The following SLC28A2 variants were observed in gnomAD, a reference collection of about 807,000 sequenced individuals.
SLC28A2 encodes solute carrier family 28 member 2.
A neutral mutation model predicts 72.9 loss-of-function variants in SLC28A2; 69 were observed. The ratio of observed to expected loss-of-function variants is 0.95; its 90% CI spans 0.78 to 1.16. SLC28A2 has a LOEUF of 1.16. Among genes scored for constraint, SLC28A2 ranks in the 50% most tolerant of loss-of-function variants. The pLI is 0.00. For missense variants in SLC28A2, 745 were observed against 791.1 expected, an observed-to-expected ratio of 0.94 and a Z score of 0.70; for synonymous variants, 296 against 294.1, an observed-to-expected ratio of 1.01 and a Z score of -0.07.
chr15:45,269,566 G>A (rs767633114), intron 14 of SLC28A2, 31 bp downstream of exon 14: 58 of 1,577,574 alleles, frequency 3.7e-5, no homozygotes, highest in South Asian at 1.0e-4. Flanking sequence ...CATAAACACC[G>A]TGAGGTCTCA....
chr15:45,254,099 T>C (rs79199947), intron 3 of SLC28A2, among the ~76,000 whole-genome samples: 3,737 of 152,276 alleles, frequency 0.025, 170 homozygotes, highest in African/African-American at 0.084. Context: ...TGAATTTGTT[T>C]GTGGATCTGG....
intron 15 of SLC28A2, 76 bp downstream of exon 15, chr15:45,270,352 T>A: frequency 1.0e-6 from 1 of 978,650 alleles, no homozygotes; most frequent in Non-Finnish European, 1.7e-6. Flanking sequence ...TCCTGGTGCT[T>A]CAGTACAAGC....
In SLC28A2 at chr15:45,253,488, G is replaced by A. The variant is rs923927491; in HGVS notation, c.138G>A (p.Leu46=). The change falls in exon 3 of 18, where the codon CTG becomes CTA. Residue 46 remains leucine, a synonymous_variant. Transcript: ENST00000347644. ...SKRTDAQGHS[L]GDGLGPSTYQ... is the part of the protein sequence containing the mutation. The stretch of plus-strand genomic sequence containing the variant: ...GGACTGACGCACAAGGACACAGCCT[G>A]GGGGATGGACTGGGCCCTTCCACTT... The A allele has an allele frequency of 6.2e-7, 1 of 1,613,570 alleles. No homozygotes were observed. The highest frequency in any genetic ancestry group is 1.1e-5 in the South Asian group (1 of 91,044).
chr15:45,268,359 T>C lies in SLC28A2; in HGVS notation c.1349T>C (p.Ile450Thr). 6.3e-7 allele frequency: 1 copy of C among 1,596,022 alleles called. No homozygotes were observed. The highest frequency in any genetic ancestry group is 8.6e-7 in the Non-Finnish European group (1 of 1,165,404). Residue 450 changes from isoleucine to threonine, a missense_variant, in exon 13 of 18, where the codon ATA becomes ACA. Ile to Thr is a moderately conservative substitution (Grantham distance 89). Transcript: ENST00000347644. Reference sequence around the variant, plus strand: ...TCCTGGCTGGGGGAATTGGTGGACATACAGGGGCTCACTTTCCAGGTAAAG... The same window carrying C: ...TCCTGGCTGGGGGAATTGGTGGACACACAGGGGCTCACTTTCCAGGTAAAG... ...ALSWLGELVD[I>T]QGLTFQVICS...
intron 3 of SLC28A2, among the ~76,000 whole-genome samples, chr15:45,254,141 A>G (rs1393934391): frequency 6.6e-6 from 1 of 152,184 alleles, no homozygotes; most frequent in Non-Finnish European, 1.5e-5. Context: ...AAATTGTTTG[A>G]GTAAAATAGA....
chr15:45,272,168 T>C, intron 15 of SLC28A2, 127 bp from the exon 16 acceptor site: 1 of 683,680 alleles, frequency 1.5e-6, no homozygotes, highest in Non-Finnish European at 2.5e-6. Context: ...CTCAGGTGGA[T>C]GGTAATAAGG....
chr15:45,263,346 G>C, intron 5 of SLC28A2, 102 bp downstream of exon 5: 2 of 1,151,292 alleles, frequency 1.7e-6, no homozygotes, highest in Non-Finnish European at 2.4e-6. Context: ...CTGCACATAG[G>C]CTTTTCAGAA....
At chr15:45,257,661 G>C (rs1900015685) in intron 3 of SLC28A2, among the ~76,000 whole-genome samples, 1 of 152,030 alleles carries the variant, frequency 6.6e-6, no homozygotes, top group African/African-American at 2.4e-5. Context: ...CTGATGATCT[G>C]GGGTGCTTTG....
chr15:45,255,606 T>C (rs1259238350), intron 3 of SLC28A2, among the ~76,000 whole-genome samples: 2 of 152,150 alleles, frequency 1.3e-5, no homozygotes, highest in African/African-American at 4.8e-5. Context: ...TTATTTACAG[T>C]ATTCGCCTGT....
At position 45,253,414 on chromosome 15, in the gene SLC28A2, T is replaced by A. The variant is rs781741936; in HGVS notation, c.82-18T>A. ...GGCAGGGCTCCATGACTGATCCCAA[T>A]GCTCTCTGTGCTTGTAGGAAAAAGA... On this transcript the variant is annotated intron_variant, in intron 2 of 17. Coordinates refer to ENST00000347644, the MANE Select transcript of SLC28A2 (RefSeq NM_004212.4). The A allele has an allele frequency of 6.2e-7, 1 of 1,606,264 alleles. No individual in the cohort carries two copies. Among genetic ancestry groups the A allele is most frequent in the South Asian group, 1.1e-5 (1 of 90,914 alleles).
At chr15:45,262,646 T>A (rs562988945) in intron 4 of SLC28A2, among the ~76,000 whole-genome samples, 27 of 152,250 alleles carry the variant, frequency 1.8e-4, no homozygotes, top group Non-Finnish European at 3.1e-4. Context: ...TTCCCAGTGG[T>A]AGCTTTGTTT....
chr15:45,264,132 T>C, intron 6 of SLC28A2, 110 bp downstream of exon 6: 1 of 1,025,172 alleles, frequency 9.8e-7, no homozygotes, highest in Non-Finnish European at 1.4e-6. Flanking sequence ...AACTAGTTCA[T>C]AACAACCCCT....
Position 45,265,615 on chromosome 15 carries a change from G to C in SLC28A2, c.813G>C (p.Val271=). The C allele has an allele frequency of 1.2e-6, 2 of 1,613,704 alleles. No homozygotes were observed. The highest frequency in any genetic ancestry group is 1.7e-6 in the Non-Finnish European group (2 of 1,179,632). Residue 271 remains valine, a synonymous_variant, in exon 9 of 18, where the codon GTG becomes GTC. Coordinates refer to ENST00000347644, the MANE Select transcript of SLC28A2 (RefSeq NM_004212.4). The part of the protein sequence containing the change: ...ALPIIIFFGC[V]VSILYYLGLV... ...CAATCATCATTTTCTTTGGATGTGT[G>C]GTGTCCATTCTCTACTACCTGGGCC...
At chr15:45,261,000 T>A (rs147090319) in intron 3 of SLC28A2, among the ~76,000 whole-genome samples, 324 of 152,266 alleles carry the variant, frequency 2.1e-3, no homozygotes, top group African/African-American at 7.6e-3. Flanking sequence ...GTGTGTTAGA[T>A]GGGAGGGGCA....
intron 3 of SLC28A2, among the ~76,000 whole-genome samples, chr15:45,254,810 T>C (rs374878867): frequency 8.5e-5 from 13 of 152,366 alleles, no homozygotes; most frequent in Admixed American, 2.0e-4. Context: ...TATATTATCA[T>C]GTTTTATATA....
At chr15:45,272,628 C>A in intron 16 of SLC28A2, 45 bp from the exon 17 acceptor site, 1 of 1,102,352 alleles carries the variant, frequency 9.1e-7, no homozygotes, top group Non-Finnish European at 1.4e-6. Flanking sequence ...CCTTGAGAAG[C>A]ACGTGTCAGA....
intron 3 of SLC28A2, among the ~76,000 whole-genome samples, chr15:45,257,626 T>C (rs1218769505): frequency 6.6e-6 from 1 of 152,256 alleles, no homozygotes; most frequent in Non-Finnish European, 1.5e-5. Context: ...TTTCTTTTTC[T>C]TCTTGTTCTT....
At chr15:45,266,925 A>G (rs908397675) in intron 10 of SLC28A2, among the ~76,000 whole-genome samples, 5 of 152,188 alleles carry the variant, frequency 3.3e-5, no homozygotes, top group Admixed American at 2.6e-4. Flanking sequence ...TAAATAATAG[A>G]TACCATTATC....
In SLC28A2 at chr15:45,269,354, T is replaced by C. The variant is rs1900465167; in HGVS notation, c.1385T>C (p.Leu462Pro). The stretch of plus-strand genomic sequence containing the variant: ...TTCACTCAGGTCATCTGCTCCTATC[T>C]CCTAAGGCCCATGGTTTTCATGATG... ...GLTFQVICSY[L>P]LRPMVFMMGV... is the part of the protein sequence containing the mutation. Residue 462 changes from leucine to proline, a missense_variant, in exon 14 of 18, where the codon CTC (leucine) becomes CCC (proline). Transcript: ENST00000347644. 1.2e-6 allele frequency: 2 copies of C among 1,613,816 alleles called. No homozygotes were observed. The highest frequency in any genetic ancestry group is 1.7e-6 in the Non-Finnish European group (2 of 1,179,812).
Sources: gnomAD v4.1 joint callset for allele counts (sites outside exome capture counted in the v4.1 genomes callset) on GRCh38, gnomAD v4.1.1 for gene constraint, MANE v1.5 for transcripts, NCBI Gene and HGNC (gene_info 2026-07-23, HGNC 2026-07-21) for gene names.